The following ATP2C2 variants were observed in gnomAD, a reference collection of about 807,000 sequenced individuals.
ATP2C2 encodes the protein calcium-transporting ATPase type 2C member 2.
A neutral mutation model predicts 110.8 loss-of-function variants in ATP2C2; 171 were observed. The ratio of observed to expected loss-of-function variants is 1.54; its 90% CI spans 1.36 to 1.75. The LOEUF is 1.75. Among genes scored for constraint, ATP2C2 ranks in the 40% most tolerant of loss-of-function variants. The probability of loss-of-function intolerance (pLI) is 0.00; values close to 1 mark genes in which losing one functional copy is unlikely to be tolerated. For missense variants in ATP2C2, 1,963 were observed against 1,235.0 expected, an observed-to-expected ratio of 1.59 and a Z score of -8.84; for synonymous variants, 804 against 508.4, an observed-to-expected ratio of 1.58 and a Z score of -7.82.
intron 1 of ATP2C2, among the ~76,000 whole-genome samples, chr16:84,388,670 T>G (rs1904465312): frequency 6.6e-6 from 1 of 152,226 alleles, no homozygotes; most frequent in African/African-American, 2.4e-5. Flanking sequence ...CTCGATTGTT[T>G]TGTTCTTGTG....
chr16:84,379,179 C>T (rs1332946966), intron 1 of ATP2C2, among the ~76,000 whole-genome samples: 1 of 150,126 alleles, frequency 6.7e-6, no homozygotes, highest in African/African-American at 2.5e-5. Flanking sequence ...CCTCCCCTCT[C>T]CTGTCGTTTC....
At chr16:84,433,108 A>C (rs1386652424) in intron 11 of ATP2C2, among the ~76,000 whole-genome samples, 2 of 152,184 alleles carry the variant, frequency 1.3e-5, no homozygotes, top group African/African-American at 4.8e-5. Context: ...GGCTGGGCAC[A>C]GTGGCTCACA....
In ATP2C2 at chr16:84,460,641, T is replaced by C; in HGVS notation, c.2334-13T>C. On this transcript the variant is annotated splice_polypyrimidine_tract_variant and intron_variant, in intron 23 of 26. Coordinates refer to ENST00000262429, the MANE Select transcript of ATP2C2 (RefSeq NM_014861.4). ...TGGTTCATTTCAAAGTGTCTGTGTC[T>C]TGTTCGGAGCAGCTTGGGGGTAGAG... 1 of 1,614,176 alleles carries C rather than the reference T, an allele frequency of 6.2e-7. No individual in the cohort carries two copies. Among genetic ancestry groups the C allele is most frequent in the Non-Finnish European group, 8.5e-7 (1 of 1,180,018 alleles).
chr16:84,439,072 C>G, intron 11 of ATP2C2, 94 bp from the exon 12 acceptor site: 2 of 1,547,482 alleles, frequency 1.3e-6, no homozygotes, highest in East Asian at 4.6e-5. Flanking sequence ...ACACCTAAGA[C>G]AAGCTTCACC....
intron 11 of ATP2C2, among the ~76,000 whole-genome samples, chr16:84,438,056 C>T (rs554579336): frequency 2.0e-5 from 3 of 152,336 alleles, no homozygotes; most frequent in South Asian, 4.1e-4. Context: ...GTGCCAGTGC[C>T]TTGTTCCTTT....
chr16:84,400,328 TGTTG>T (rs1283413467), intron 2 of ATP2C2, among the ~76,000 whole-genome samples: 1 of 135,062 alleles, frequency 7.4e-6, no homozygotes, highest in African/African-American at 3.5e-5. Context: ...TTTAGTTTTT[TGTTG>T]TTTTTTTTTT....
chr16:84,398,405 C>A, intron 1 of ATP2C2, 94 bp from the exon 2 acceptor site: 4 of 728,382 alleles, frequency 5.5e-6, no homozygotes, highest in Non-Finnish European at 5.9e-6. Context: ...GACTCCATCT[C>A]AAAAAAATAA....
At position 84,459,282 on chromosome 16, in the gene ATP2C2, C is replaced by A; in HGVS notation, c.2229C>A (p.Ala743=). 1 of 1,614,200 alleles carries A rather than the reference C, an allele frequency of 6.2e-7. No homozygotes were observed. Reference sequence around the variant, plus strand: ...GTGTGCCCCGCAGGAGCATCTCCGCCCTGAGTCTCATCACTCTGTCCACCG... The same window carrying A: ...GTGTGCCCCGCAGGAGCATCTCCGCACTGAGTCTCATCACTCTGTCCACCG... ...VRFQLSTSIS[A]LSLITLSTVF... The change falls in exon 23 of 27, where the codon GCC becomes GCA. Residue 743 remains alanine, a synonymous_variant. Transcript: ENST00000262429.
intron 2 of ATP2C2, among the ~76,000 whole-genome samples, chr16:84,398,974 C>G (rs765492486): frequency 6.6e-5 from 10 of 152,224 alleles, no homozygotes; most frequent in Non-Finnish European, 1.3e-4. Context: ...TGGAGTCCAG[C>G]TGTTTCACAT....
chr16:84,437,793 G>C (rs915030587), intron 11 of ATP2C2, among the ~76,000 whole-genome samples: 18 of 152,236 alleles, frequency 1.2e-4, no homozygotes, highest in African/African-American at 3.9e-4. Flanking sequence ...TGGGATTACA[G>C]GCGTGAGCCA....
intron 20 of ATP2C2, 21 bp from the exon 21 acceptor site, chr16:84,454,797 C>T (rs1046493543): frequency 4.5e-6 from 7 of 1,564,440 alleles, no homozygotes; most frequent in Admixed American, 4.0e-5. Flanking sequence ...TGCAGGCCTT[C>T]ATTGCCTGCT....
At chr16:84,420,623 A>C (rs1451215420) in intron 7 of ATP2C2, among the ~76,000 whole-genome samples, 3 of 152,074 alleles carry the variant, frequency 2.0e-5, no homozygotes, top group Non-Finnish European at 2.9e-5. Context: ...ACAACTAAGG[A>C]ACCCATATTG....
intron 15 of ATP2C2, among the ~76,000 whole-genome samples, chr16:84,445,750 A>G (rs1466062481): frequency 6.6e-6 from 1 of 152,224 alleles, no homozygotes; most frequent in Non-Finnish European, 1.5e-5. Flanking sequence ...TATTGTACGC[A>G]TATCTGCACT....
rs1202848944 is a variant in ATP2C2, at chr16:84,459,136, G to A, written c.2164G>A (p.Gly722Ser). The part of the protein sequence containing the change: ...FSAIMNAVEE[G>S]KGIFYNIKNF... ...CTCTTGCAGGAATGCAGTGGAGGAAGGCAAGGGTATTTTTTACAACATCAA... is the reference window on the plus strand; with the variant it reads ...CTCTTGCAGGAATGCAGTGGAGGAAAGCAAGGGTATTTTTTACAACATCAA... The change falls in exon 22 of 27, where the codon GGC becomes AGC. Residue 722 changes from glycine (G) to serine (S), a missense_variant. Coordinates refer to ENST00000262429, the MANE Select transcript of ATP2C2 (RefSeq NM_014861.4). The A allele has an allele frequency of 5.0e-6, 8 of 1,614,144 alleles. No homozygotes were observed. Among genetic ancestry groups the A allele is most frequent in the Admixed American group, 3.3e-5 (2 of 60,030 alleles).
rs1909953472 is a variant in ATP2C2 at position 84,448,401 on chromosome 16, C to T, written c.1504-132C>T. On this transcript the variant is annotated intron_variant, in intron 16 of 26. Coordinates refer to ENST00000262429, the MANE Select transcript of ATP2C2 (RefSeq NM_014861.4). ...CCTGTCCAGCACCTGTGAACAGCAC[C>T]AGCCTATGATAAATAACTCCGCTGC... The T allele has an allele frequency of 8.7e-6, 10 of 1,154,710 alleles. No individual in the cohort carries two copies. The South Asian group carries it at 1.5e-4, about 18-fold the overall frequency. 71.5% of individuals were successfully genotyped at this position (1,154,710 alleles called of 1,614,324 possible). A position where few individuals can be genotyped will look rare whatever the true frequency, so the allele number is the denominator to read the frequency against.
chr16:84,411,275 G>A (rs1906263242), intron 6 of ATP2C2, among the ~76,000 whole-genome samples: 1 of 150,800 alleles, frequency 6.6e-6, no homozygotes, highest in Non-Finnish European at 1.5e-5. Context: ...TTTTCCATTG[G>A]TTACTGCACG....
Position 84,463,720 on chromosome 16 carries a change from T to G in ATP2C2, c.2829T>G (p.Pro943=). 6.2e-7 allele frequency: 1 copy of G among 1,613,026 alleles called. No homozygotes were observed. The change falls in exon 27 of 27, where the codon CCT becomes CCG. Residue 943 remains proline (P), a synonymous_variant. Coordinates refer to ENST00000262429, the MANE Select transcript of ATP2C2 (RefSeq NM_014861.4). ...CCSPKRVQMH[P]EDV The stretch of plus-strand genomic sequence containing the variant: ...GCCCCAAGAGAGTCCAGATGCACCC[T>G]GAAGATGTGTAGTGGACCGCACTCC...
intron 7 of ATP2C2, among the ~76,000 whole-genome samples, chr16:84,415,981 C>T (rs1032748760): frequency 1.3e-5 from 2 of 152,126 alleles, no homozygotes; most frequent in Non-Finnish European, 2.9e-5. Context: ...AGTTCAAGAC[C>T]ACCCTGGCCA....
At chr16:84,461,208 T>G (rs2150600724) in intron 24 of ATP2C2, 2 of 254,492 alleles carry the variant, frequency 7.9e-6, no homozygotes, top group Non-Finnish European at 7.5e-6. Flanking sequence ...GGCCTGCAGG[T>G]TCAGGGAGCT....
Sources: gnomAD v4.1 joint callset for allele counts (sites outside exome capture counted in the v4.1 genomes callset) on GRCh38, gnomAD v4.1.1 for gene constraint, MANE v1.5 for transcripts, NCBI Gene and HGNC (gene_info 2026-07-23, HGNC 2026-07-21) for gene names.